Variants in CXorf58 observed in about 807,000 individuals in gnomAD.
CXorf58 encodes uncharacterized protein CXorf58.
In CXorf58, 24 loss-of-function variants were observed where a neutral mutation model predicts 26.0. That is an observed-to-expected ratio of 0.92 (90% CI 0.67 to 1.30). CXorf58 has a LOEUF of 1.30. CXorf58 is among the 50% of genes most tolerant of loss of function. The pLI is 0.00. For synonymous variants in CXorf58, 87 were observed against 86.1 expected (o/e 1.01, Z -0.06); for missense variants, 236 against 263.9 (o/e 0.89, Z 0.73).
At chrX:23,934,652 C>T (rs949007138) in intron 6 of CXorf58, among the ~76,000 whole-genome samples, 2 of 111,001 alleles carry the variant, frequency 1.8e-5, no homozygotes, top group Admixed American at 9.6e-5. Flanking sequence ...ATACATGTGC[C>T]GTGTTGGTGT....
intron 3 of CXorf58, among the ~76,000 whole-genome samples, chrX:23,914,640 C>G (rs1927672765): frequency 9.0e-6 from 1 of 111,713 alleles, no homozygotes; most frequent in Non-Finnish European, 1.9e-5. Context: ...AATCCCAGCA[C>G]TTTGGGAGGC....
At chrX:23,918,533 A>G (rs1404782246) in intron 5 of CXorf58, among the ~76,000 whole-genome samples, 2 of 111,927 alleles carry the variant, frequency 1.8e-5, no homozygotes, top group African/African-American at 6.5e-5. Flanking sequence ...TGTATTGTCT[A>G]TGTCTTGAAA....
intron 1 of CXorf58, among the ~76,000 whole-genome samples, chrX:23,908,826 G>A (rs906777267): frequency 8.9e-6 from 1 of 112,389 alleles, no homozygotes; most frequent in African/African-American, 3.2e-5. Context: ...TGTAGTTGAA[G>A]AAATTGGGTT....
intron 5 of CXorf58, among the ~76,000 whole-genome samples, chrX:23,920,016 CTCTT>C (rs1343847856): frequency 1.8e-5 from 2 of 112,761 alleles, no homozygotes; most frequent in East Asian, 2.8e-4. Flanking sequence ...TGGAATCTCT[CTCTT>C]TCTGTACTGA....
chrX:23,937,456 C>G (rs1928322514), intron 7 of CXorf58, among the ~76,000 whole-genome samples: 1 of 101,216 alleles, frequency 9.9e-6, no homozygotes, highest in South Asian at 4.8e-4. Flanking sequence ...CCGAGTTTCA[C>G]TCTTGTCACC....
At chrX:23,912,335 C>T (rs1927605482) in intron 3 of CXorf58, among the ~76,000 whole-genome samples, 1 of 111,907 alleles carries the variant, frequency 8.9e-6, no homozygotes, top group Admixed American at 9.5e-5. Context: ...ATGAGTATTT[C>T]TGGATTTTTT....
intron 6 of CXorf58, among the ~76,000 whole-genome samples, chrX:23,931,346 C>T (rs1414157279): frequency 3.6e-5 from 4 of 112,025 alleles, no homozygotes; most frequent in Non-Finnish European, 7.5e-5. Flanking sequence ...TCATTGTTGA[C>T]GTTTGAGTCC....
At chrX:23,913,473 G>T (rs780698761) in intron 3 of CXorf58, among the ~76,000 whole-genome samples, 1 of 110,545 alleles carries the variant, frequency 9.0e-6, no homozygotes, top group African/African-American at 3.3e-5. Flanking sequence ...ACAGGCGTGA[G>T]CCACCACACC....
rs1188697974 is a variant in CXorf58, at chrX:23,917,334, CAA to C, written c.423+1022_423+1023del. 2.0e-4 allele frequency among the ~76,000 whole-genome samples: 18 copies of C among 88,286 alleles called. No homozygotes were observed. The East Asian group carries it at 3.7e-3, about 18-fold the overall frequency. The allele number at this position is 88,286 out of a possible 115,157, so 76.7% of individuals were successfully genotyped here. A position where few individuals can be genotyped will look rare whatever the true frequency, so the allele number is the denominator to read the frequency against. ...TGGGCAACAGAGTGAGATTCTATCT[CAA>C]AAAAAAAAAAAAAAAGAAAGAAAGA... On this transcript the variant is annotated intron_variant, in intron 5 of 8. Transcript: ENST00000379211.
chrX:23,908,854 G>A (rs1407319742), intron 1 of CXorf58, among the ~76,000 whole-genome samples: 1 of 112,208 alleles, frequency 8.9e-6, no homozygotes, highest in Non-Finnish European at 1.9e-5. Context: ...GCTGCAAGGA[G>A]AACGCACACG....
chrX:23,925,692 C>A (rs900840024), intron 5 of CXorf58, among the ~76,000 whole-genome samples: 2 of 109,394 alleles, frequency 1.8e-5, no homozygotes, highest in African/African-American at 6.6e-5. Context: ...AACAGAGTTC[C>A]CATACTTTCA....
At chrX:23,938,247 C>T (rs1447152924) in intron 7 of CXorf58, among the ~76,000 whole-genome samples, 1 of 111,515 alleles carries the variant, frequency 9.0e-6, no homozygotes, top group East Asian at 2.8e-4. Context: ...CAAATGGCTA[C>T]TACACAGTAT....
chrX:23,912,314 G>C (rs2092148134), intron 3 of CXorf58, among the ~76,000 whole-genome samples: 1 of 111,653 alleles, frequency 9.0e-6, no homozygotes, highest in Admixed American at 9.5e-5. Flanking sequence ...TGTTTCTTCT[G>C]TTAGCCCTAG....
At chrX:23,911,680 G>A in intron 2 of CXorf58, 77 bp from the exon 3 acceptor site, 1 of 638,128 alleles carries the variant, frequency 1.6e-6, no homozygotes, top group Non-Finnish European at 2.5e-6. Context: ...GGAGGAGGAA[G>A]CATAAATTGA....
intron 6 of CXorf58, among the ~76,000 whole-genome samples, chrX:23,928,110 A>T (rs1043357842): frequency 2.4e-4 from 27 of 111,394 alleles, no homozygotes; most frequent in African/African-American, 8.5e-4. Flanking sequence ...TGATGGAAAT[A>T]TTCTGAAATA....
At chrX:23,914,905 C>T (rs1171677231) in intron 3 of CXorf58, among the ~76,000 whole-genome samples, 3 of 110,382 alleles carry the variant, frequency 2.7e-5, no homozygotes, top group Admixed American at 1.9e-4. Flanking sequence ...GAGGCTGAGG[C>T]GTGCGGCTCA....
chrX:23,933,099 C>T (rs890657430), intron 6 of CXorf58, among the ~76,000 whole-genome samples: 1 of 109,951 alleles, frequency 9.1e-6, no homozygotes, highest in Non-Finnish European at 1.9e-5. Context: ...AGTTTGAGAC[C>T]TGCCTGGGCA....
At chrX:23,920,553 A>G (rs1927837234) in intron 5 of CXorf58, among the ~76,000 whole-genome samples, 1 of 111,602 alleles carries the variant, frequency 9.0e-6, no homozygotes, top group Admixed American at 9.6e-5. Context: ...ACTTTTCTCC[A>G]TGTTCTCAGG....
intron 3 of CXorf58, 64 bp from the exon 4 acceptor site, chrX:23,915,636 T>C (rs981662995): frequency 1.7e-5 from 11 of 654,496 alleles, no homozygotes; most frequent in East Asian, 3.3e-5. Flanking sequence ...GCCTCTGTTA[T>C]AGTCCATAAA....
Sources: gnomAD v4.1 joint callset for allele counts (sites outside exome capture counted in the v4.1 genomes callset) on GRCh38, gnomAD v4.1.1 for gene constraint, MANE v1.5 for transcripts, NCBI Gene and HGNC (gene_info 2026-07-23, HGNC 2026-07-21) for gene names.